The following ZSCAN25 variants were observed in gnomAD, a reference collection of about 807,000 sequenced individuals.
The protein encoded by ZSCAN25 is zinc finger and SCAN domain containing 25.
Under a neutral mutation model 38.7 loss-of-function variants are expected in ZSCAN25, and 27 were observed. The observed-to-expected ratio is 0.70, with a 90% CI of 0.51 to 0.96. The LOEUF is 0.96. Among genes scored for constraint, ZSCAN25 ranks in the 40% least tolerant of loss-of-function variants. The probability of loss-of-function intolerance (pLI) is 0.00; values close to 1 mark genes in which losing one functional copy is unlikely to be tolerated. For missense variants in ZSCAN25, 637 were observed against 705.9 expected, an observed-to-expected ratio of 0.90 and a Z score of 1.11; for synonymous variants, 273 against 277.7, an observed-to-expected ratio of 0.98 and a Z score of 0.17.
At chr7:99,716,057 C>T in the ZSCAN25 span, 2 of 1,481,004 alleles carry the variant, frequency 1.4e-6, no homozygotes, top group Admixed American at 3.7e-5. Flanking sequence ...CATCACACTC[C>T]CTCAGAAGGT....
the ZSCAN25 span, among the ~76,000 whole-genome samples, chr7:99,682,563 C>T: frequency 1.3e-5 from 2 of 151,922 alleles, no homozygotes; most frequent in East Asian, 1.9e-4. Flanking sequence ...TAATATGATT[C>T]CTCCAGTTTT....
At chr7:99,705,314 A>G in the ZSCAN25 span, 1 of 643,362 alleles carries the variant, frequency 1.6e-6, no homozygotes, top group South Asian at 1.9e-5. Context: ...CCTCTATATT[A>G]CCAAGTATAA....
downstream of ZSCAN25, among the ~76,000 whole-genome samples, chr7:99,634,728 C>T (rs746332894): frequency 6.6e-6 from 1 of 152,116 alleles, no homozygotes; most frequent in African/African-American, 2.4e-5. Flanking sequence ...ACCCGGGAGG[C>T]GGAGCTTGCA....
At chr7:99,685,248 A>C in the ZSCAN25 span, 1 of 1,613,240 alleles carries the variant, frequency 6.2e-7, no homozygotes, top group African/African-American at 1.3e-5. Context: ...GCAACAGTTA[A>C]ACAAGCATAT....
the ZSCAN25 span, among the ~76,000 whole-genome samples, chr7:99,732,208 C>T: frequency 6.6e-6 from 1 of 152,098 alleles, no homozygotes; most frequent in Admixed American, 6.5e-5. Flanking sequence ...GTGGCACCTC[C>T]TCCCCACCCT....
intron 1 of ZSCAN25, among the ~76,000 whole-genome samples, chr7:99,617,303 C>A (rs911686230): frequency 2.0e-5 from 3 of 152,182 alleles, no homozygotes; most frequent in Non-Finnish European, 4.4e-5. Flanking sequence ...GCCACGAACC[C>A]GAAGAGATCT....
At chr7:99,640,916 G>C in the ZSCAN25 span, among the ~76,000 whole-genome samples, 1 of 152,162 alleles carries the variant, frequency 6.6e-6, no homozygotes, top group Admixed American at 6.5e-5. Context: ...TTCAGGAAGA[G>C]CAAATAGTTT....
At chr7:99,652,380 C>A in the ZSCAN25 span, 1 of 501,392 alleles carries the variant, frequency 2.0e-6, no homozygotes, top group Non-Finnish European at 3.5e-6. Flanking sequence ...GATGTAGTTT[C>A]GTTTTTTCTA....
At chr7:99,622,982 A>G (rs1323841897) in intron 6 of ZSCAN25, among the ~76,000 whole-genome samples, 1 of 151,936 alleles carries the variant, frequency 6.6e-6, no homozygotes, top group Non-Finnish European at 1.5e-5. Flanking sequence ...AATTTTTTGT[A>G]TTTTTAGTAG....
chr7:99,648,095 C>T, the ZSCAN25 span: 1 of 1,164,896 alleles, frequency 8.6e-7, no homozygotes, highest in Non-Finnish European at 1.1e-6. Context: ...CTATCTGTCA[C>T]TTACCTGGTC....
At chr7:99,682,549 C>T in the ZSCAN25 span, among the ~76,000 whole-genome samples, 8 of 152,010 alleles carry the variant, frequency 5.3e-5, no homozygotes, top group Non-Finnish European at 7.4e-5. Context: ...AATTTGAAGT[C>T]AGGTAATATG....
At chr7:99,691,544 G>A in the ZSCAN25 span, among the ~76,000 whole-genome samples, 1 of 152,112 alleles carries the variant, frequency 6.6e-6, no homozygotes, top group Non-Finnish European at 1.5e-5. Flanking sequence ...CTCTTTATAG[G>A]TCTCTAAGGA....
At chr7:99,702,705 G>A in the ZSCAN25 span, among the ~76,000 whole-genome samples, 1 of 152,102 alleles carries the variant, frequency 6.6e-6, no homozygotes, top group African/African-American at 2.4e-5. Context: ...TGTTCTTTTT[G>A]CTGAAGATAG....
chr7:99,735,018 C>T, the ZSCAN25 span: 1 of 1,614,094 alleles, frequency 6.2e-7, no homozygotes, highest in African/African-American at 1.3e-5. Flanking sequence ...TGAACAGTTA[C>T]TCACAGATAG....
At chr7:99,624,234 T>G (rs1807260049) in intron 7 of ZSCAN25, 54 bp downstream of exon 7, 2 of 1,609,644 alleles carry the variant, frequency 1.2e-6, no homozygotes, top group Non-Finnish European at 1.7e-6. Flanking sequence ...AAAGCTCAGG[T>G]CAGGGGTCCT....
the ZSCAN25 span, among the ~76,000 whole-genome samples, chr7:99,655,194 G>A: frequency 6.2e-4 from 95 of 152,274 alleles, no homozygotes; most frequent in East Asian, 3.7e-3. Context: ...TTTTCTTCTA[G>A]GGTTTTTATG....
chr7:99,660,427 TG>T, the ZSCAN25 span: 3 of 1,508,256 alleles, frequency 2.0e-6, no homozygotes, highest in African/African-American at 2.8e-5. Flanking sequence ...AAAATTCTCC[TG>T]GGGAGTGGTG....
the ZSCAN25 span, among the ~76,000 whole-genome samples, chr7:99,707,633 C>T: frequency 5.9e-5 from 9 of 152,174 alleles, no homozygotes; most frequent in Non-Finnish European, 1.2e-4. Flanking sequence ...TTTAATGCTA[C>T]AGCTTTTGAA....
chr7:99,625,409 G>T (rs952704625), intron 7 of ZSCAN25, among the ~76,000 whole-genome samples: 1 of 152,164 alleles, frequency 6.6e-6, no homozygotes, highest in South Asian at 2.1e-4. Flanking sequence ...AAATAAAGGC[G>T]CTTGCCTGTG....
Sources: allele counts gnomAD v4.1 joint callset (sites outside exome capture counted in the v4.1 genomes callset), GRCh38; gene constraint gnomAD v4.1.1; transcripts MANE v1.5; gene names NCBI Gene and HGNC (gene_info 2026-07-23, HGNC 2026-07-21).